The following COL14A1 variants were observed in gnomAD, a reference collection of about 807,000 sequenced individuals.
The protein encoded by COL14A1 is collagen type XIV alpha 1 chain, also known as collagen alpha-1(XIV) chain.
COL14A1 carries 136 observed loss-of-function variants against 230.3 expected under a neutral mutation model. That is an observed-to-expected ratio of 0.59 (90% CI 0.51 to 0.68). The LOEUF (loss-of-function observed/expected upper bound fraction) is 0.68, where lower values mean the gene tolerates loss of function less well. Among genes scored for constraint, COL14A1 ranks in the 30% least tolerant of loss-of-function variants. COL14A1 has a pLI of 0.00. For synonymous variants in COL14A1, 792 were observed against 784.1 expected, an observed-to-expected ratio of 1.01 and a Z score of -0.17; for missense variants, 1,976 against 2,215.8, an observed-to-expected ratio of 0.89 and a Z score of 2.17.
chr8:120,269,952 G>A lies in COL14A1; in HGVS notation c.3074-83G>A, dbSNP rs1586819540. ...TGAAAAAGAGCTTCACTTAGCAGAG[G>A]GCAACCATTATTTGTCTTATTGGTT... On this transcript the variant is annotated intron_variant, in intron 25 of 47. Transcript: ENST00000297848. The A allele has an allele frequency of 2.8e-6, 4 of 1,438,100 alleles. No individual in the cohort carries two copies. In the East Asian group the frequency reaches 9.1e-5, roughly 33 times the overall value. The allele number at this position is 1,438,100 out of a possible 1,614,324, so 89.1% of individuals were successfully genotyped here. A position where few individuals can be genotyped will look rare whatever the true frequency, so the allele number is the denominator to read the frequency against.
chr8:120,181,287 G>A (rs904516209), intron 5 of COL14A1, among the ~76,000 whole-genome samples: 1 of 152,112 alleles, frequency 6.6e-6, no homozygotes, highest in African/African-American at 2.4e-5. Flanking sequence ...AGATGAACTT[G>A]TTTCTGCCAC....
At chr8:120,337,085 G>A (rs1414546768) in intron 42 of COL14A1, among the ~76,000 whole-genome samples, 1 of 152,078 alleles carries the variant, frequency 6.6e-6, no homozygotes, top group Admixed American at 6.6e-5. Flanking sequence ...TACTTAATAT[G>A]TATTTATTAA....
intron 23 of COL14A1, among the ~76,000 whole-genome samples, chr8:120,255,726 T>G (rs1819126196): frequency 6.6e-6 from 1 of 152,024 alleles, no homozygotes; most frequent in Non-Finnish European, 1.5e-5. Flanking sequence ...TATATTGTAC[T>G]CTAATTTGGG....
At position 120,345,485 on chromosome 8, in the gene COL14A1, G is replaced by T; in HGVS notation, c.4999G>T (p.Ala1667Ser). Residue 1667 changes from alanine to serine, a missense_variant, in exon 45 of 48, where the codon GCC (alanine) becomes TCC (serine). Coordinates refer to ENST00000297848, the MANE Select transcript of COL14A1 (RefSeq NM_021110.4). The stretch of plus-strand genomic sequence containing the variant: ...GCCTGGGAGGCCAGGCTCACCTGGA[G>T]CCCCTGGTGAACAAGGACCCCCAGG... ...GEPGRPGSPGAPGEQGPPGTP... is the reference protein window; with the variant it reads ...GEPGRPGSPGSPGEQGPPGTP... 1.9e-6 allele frequency: 3 copies of T among 1,605,490 alleles called. No individual in the cohort carries two copies. The highest frequency in any genetic ancestry group is 2.6e-6 in the Non-Finnish European group (3 of 1,176,222).
chr8:120,236,606 A>C (rs962283890), intron 19 of COL14A1, among the ~76,000 whole-genome samples: 5 of 152,166 alleles, frequency 3.3e-5, no homozygotes, highest in African/African-American at 4.8e-5. Context: ...TGGGGCATTT[A>C]GCCCATTTAC....
intron 26 of COL14A1, among the ~76,000 whole-genome samples, chr8:120,276,708 A>G (rs1319701630): frequency 6.6e-6 from 1 of 151,726 alleles, no homozygotes; most frequent in Non-Finnish European, 1.5e-5. Context: ...AGGGGGAGGG[A>G]TAGCATTAGG....
chr8:120,262,692 GT>G (rs746819872), intron 23 of COL14A1, among the ~76,000 whole-genome samples, 175 bp from the exon 24 acceptor site: 3 of 152,104 alleles, frequency 2.0e-5, no homozygotes, highest in African/African-American at 4.8e-5. Flanking sequence ...AAAAATACCA[GT>G]GAATATATTA....
chr8:120,247,594 C>G lies in COL14A1; in HGVS notation c.2480-19C>G. On this transcript the variant is annotated intron_variant, in intron 20 of 47. Coordinates refer to ENST00000297848, the MANE Select transcript of COL14A1 (RefSeq NM_021110.4). Reference sequence around the variant, plus strand: ...GAAATTACACTGAATCCCTGTTTTTCCTTTTCTTTTCTACTCAGTACCATC... The same window carrying G: ...GAAATTACACTGAATCCCTGTTTTTGCTTTTCTTTTCTACTCAGTACCATC... 1 of 1,598,996 alleles carries G rather than the reference C, an allele frequency of 6.3e-7. No individual in the cohort carries two copies. Among genetic ancestry groups the G allele is most frequent in the Admixed American group, 1.8e-5 (1 of 56,764 alleles).
chr8:120,187,612 A>C (rs1023399071), intron 5 of COL14A1, among the ~76,000 whole-genome samples: 5 of 152,234 alleles, frequency 3.3e-5, no homozygotes, highest in African/African-American at 1.2e-4. Flanking sequence ...GGAGTTTCTC[A>C]TGATGTCAGT....
chr8:120,142,053 T>G (rs1814933020), intron 1 of COL14A1, among the ~76,000 whole-genome samples: 1 of 152,096 alleles, frequency 6.6e-6, no homozygotes, highest in African/African-American at 2.4e-5. Context: ...AATGTAAGTC[T>G]CCTGATCTGA....
chr8:120,301,666 C>T (rs1000010809), intron 36 of COL14A1, among the ~76,000 whole-genome samples: 2 of 151,992 alleles, frequency 1.3e-5, no homozygotes, highest in African/African-American at 2.4e-5. Flanking sequence ...AGTGAACATT[C>T]GTGTGTATAT....
chr8:120,238,910 C>A (rs1340909697), intron 19 of COL14A1, among the ~76,000 whole-genome samples: 1 of 152,188 alleles, frequency 6.6e-6, no homozygotes, highest in Non-Finnish European at 1.5e-5. Context: ...TCCCACCCTG[C>A]TTATGCTCAC....
Position 120,243,917 on chromosome 8 carries a change from G to A in COL14A1, c.2388G>A (p.Lys796=), listed in dbSNP as rs143139213. The A allele has an allele frequency of 1.4e-4, 219 of 1,613,684 alleles. No homozygotes were observed. In the African/African-American group the frequency reaches 2.6e-3, roughly 19 times the overall value. ...GAAGCCAGAACAACCTCCTTCTGAA[G>A]CCTCTGCTTCCTGATACTGAATACA... ...VPGSQNNLLL[K]PLLPDTEYKV... is the part of the protein sequence containing the mutation. Residue 796 remains lysine (K), a synonymous_variant, in exon 20 of 48, where the codon AAG becomes AAA. Coordinates refer to ENST00000297848, the MANE Select transcript of COL14A1 (RefSeq NM_021110.4).
intron 45 of COL14A1, among the ~76,000 whole-genome samples, chr8:120,365,720 G>A (rs1400639306): frequency 6.6e-6 from 1 of 152,164 alleles, no homozygotes; most frequent in Non-Finnish European, 1.5e-5. Context: ...GGGCTCCTAA[G>A]AGAAGAACCA....
chr8:120,178,576 C>T (rs774881962), intron 5 of COL14A1, among the ~76,000 whole-genome samples: 2 of 152,138 alleles, frequency 1.3e-5, no homozygotes, highest in African/African-American at 2.4e-5. Context: ...ATTTATAATG[C>T]TTTGGGTATA....
chr8:120,197,105 T>C (rs1446719237), intron 6 of COL14A1, among the ~76,000 whole-genome samples, 159 bp downstream of exon 6: 1 of 152,236 alleles, frequency 6.6e-6, no homozygotes, highest in African/African-American at 2.4e-5. Context: ...ATATTATTTA[T>C]TCCTTCTAAT....
chr8:120,136,905 T>G (rs932360950), intron 1 of COL14A1, among the ~76,000 whole-genome samples: 2 of 126,154 alleles, frequency 1.6e-5, no homozygotes, highest in Admixed American at 2.2e-4. Flanking sequence ...GAGGTTGCAG[T>G]GAGCCAAGAT....
At chr8:120,308,549 A>C (rs1404761133) in intron 36 of COL14A1, among the ~76,000 whole-genome samples, 2 of 152,270 alleles carry the variant, frequency 1.3e-5, no homozygotes, top group East Asian at 1.9e-4. Flanking sequence ...TTTTGTATAG[A>C]TATAGATGCA....
intron 22 of COL14A1, among the ~76,000 whole-genome samples, chr8:120,251,005 A>G (rs1818930541): frequency 6.6e-6 from 1 of 151,984 alleles, no homozygotes; most frequent in African/African-American, 2.4e-5. Flanking sequence ...ATGGGGTTTC[A>G]CCATGTTGGC....
Sources: allele counts gnomAD v4.1 joint callset (sites outside exome capture counted in the v4.1 genomes callset), GRCh38; gene constraint gnomAD v4.1.1; transcripts MANE v1.5; gene names NCBI Gene and HGNC (gene_info 2026-07-23, HGNC 2026-07-21).